The following SENP7 variants were observed in gnomAD, a reference collection of about 807,000 sequenced individuals.
SENP7 encodes the protein SUMO specific peptidase 7, also known as sentrin-specific protease 7.
SENP7 carries 64 observed loss-of-function variants against 141.2 expected under a neutral mutation model. That is an observed-to-expected ratio of 0.45 (90% confidence interval 0.37 to 0.56). SENP7 has a LOEUF of 0.56. Among genes scored for constraint, SENP7 ranks in the 20% least tolerant of loss-of-function variants. The probability of loss-of-function intolerance (pLI) is 0.00; values close to 1 mark genes in which losing one functional copy is unlikely to be tolerated. For synonymous variants in SENP7, 382 were observed against 426.4 expected (o/e 0.90, Z 1.28); for missense variants, 1,025 against 1,212.2 (o/e 0.85, Z 2.29).
chr3:101,440,581 T>TTAAAA (rs1350583096), intron 4 of SENP7, among the ~76,000 whole-genome samples: 51 of 124,916 alleles, frequency 4.1e-4, no homozygotes, highest in African/African-American at 1.3e-3. Flanking sequence ...AAAAATAAAT[T>TTAAAA]AAAAAAAAAA....
At chr3:101,467,347 G>A (rs1035063008) in intron 3 of SENP7, among the ~76,000 whole-genome samples, 4 of 152,234 alleles carry the variant, frequency 2.6e-5, no homozygotes. Flanking sequence ...CCAGCACAGC[G>A]TTTGAGCTTT....
intron 5 of SENP7, among the ~76,000 whole-genome samples, chr3:101,409,073 T>G (rs893635634): frequency 6.6e-6 from 1 of 152,192 alleles, no homozygotes; most frequent in African/African-American, 2.4e-5. Flanking sequence ...GATAAAAGAA[T>G]TCGGTAAAGT....
At chr3:101,423,101 CA>C (rs529316369) in intron 4 of SENP7, among the ~76,000 whole-genome samples, 2 of 149,578 alleles carry the variant, frequency 1.3e-5, no homozygotes, top group Admixed American at 6.7e-5. Flanking sequence ...TCTTGTCCTT[CA>C]AAAAAAAATG....
At chr3:101,352,932 T>G (rs2059649074) in intron 11 of SENP7, among the ~76,000 whole-genome samples, 1 of 152,022 alleles carries the variant, frequency 6.6e-6, no homozygotes, top group South Asian at 2.1e-4. Flanking sequence ...TAGATCATAA[T>G]TAACTAAAAG....
chr3:101,498,945 G>A (rs1210964845), intron 2 of SENP7, among the ~76,000 whole-genome samples: 1 of 152,154 alleles, frequency 6.6e-6, no homozygotes. Context: ...CTGTCCATGG[G>A]AAAACTGTCT....
At chr3:101,356,248 T>C (rs1266394787) in intron 11 of SENP7, among the ~76,000 whole-genome samples, 6 of 152,124 alleles carry the variant, frequency 3.9e-5, no homozygotes, top group Non-Finnish European at 8.8e-5. Flanking sequence ...TCATCATGCA[T>C]CTCACATTTT....
chr3:101,377,707 A>C (rs2060376045), intron 6 of SENP7, among the ~76,000 whole-genome samples: 1 of 152,240 alleles, frequency 6.6e-6, no homozygotes, highest in African/African-American at 2.4e-5. Flanking sequence ...CAGGGGAAAT[A>C]AAAAATACCC....
At chr3:101,384,904 G>A (rs764760185) in intron 6 of SENP7, among the ~76,000 whole-genome samples, 2 of 152,198 alleles carry the variant, frequency 1.3e-5, no homozygotes, top group Non-Finnish European at 2.9e-5. Context: ...GTAGAACTGT[G>A]AGCCTATTAA....
At position 101,357,007 on chromosome 3, in the gene SENP7, C is replaced by CT. The variant is rs796548276; in HGVS notation, c.1623+4707dup. On this transcript the variant is annotated intron_variant, in intron 11 of 23. Transcript: ENST00000394095. ...AATGCTTTTATTAACTATGAACATT[C>CT]TTTTTTTTTTTGAGACAGAGTTTCG... Among the ~76,000 whole-genome samples, 990 of 147,192 alleles carry CT rather than the reference C, an allele frequency of 6.7e-3. 6 individuals carry two copies. The highest frequency in any genetic ancestry group is 0.023 in the African/African-American group (918 of 40,414).
chr3:101,327,052 T>C (rs1235820202), intron 23 of SENP7, among the ~76,000 whole-genome samples: 1 of 152,088 alleles, frequency 6.6e-6, no homozygotes, highest in Non-Finnish European at 1.5e-5. Context: ...GTATACTCCA[T>C]GTCTTCATCC....
chr3:101,410,254 A>C (rs1287389156), intron 5 of SENP7, among the ~76,000 whole-genome samples: 1 of 152,222 alleles, frequency 6.6e-6, no homozygotes, highest in Non-Finnish European at 1.5e-5. Context: ...TATTCCTGCT[A>C]GAATGGCCAT....
intron 4 of SENP7, among the ~76,000 whole-genome samples, chr3:101,451,774 C>T (rs569508692): frequency 6.6e-6 from 1 of 152,176 alleles, no homozygotes; most frequent in Non-Finnish European, 1.5e-5. Flanking sequence ...TGGGCAAAAA[C>T]TGGAAGCATT....
At chr3:101,451,964 C>T (rs1484125389) in intron 4 of SENP7, among the ~76,000 whole-genome samples, 5 of 152,070 alleles carry the variant, frequency 3.3e-5, no homozygotes, top group Non-Finnish European at 7.4e-5. Flanking sequence ...CTAGAAAACC[C>T]CATTGTCTCA....
chr3:101,490,127 G>A (rs943246220), intron 3 of SENP7, among the ~76,000 whole-genome samples: 7 of 151,666 alleles, frequency 4.6e-5, no homozygotes, highest in African/African-American at 1.7e-4. Flanking sequence ...AGAGGTTGTG[G>A]TGAGCCAAGA....
intron 4 of SENP7, among the ~76,000 whole-genome samples, chr3:101,433,262 T>A (rs905758779): frequency 7.6e-6 from 1 of 131,764 alleles, no homozygotes; most frequent in African/African-American, 2.9e-5. Context: ...ATACAATGGA[T>A]ACACAAAAAA....
At chr3:101,426,837 T>A (rs981791133) in intron 4 of SENP7, among the ~76,000 whole-genome samples, 2 of 152,106 alleles carry the variant, frequency 1.3e-5, no homozygotes, top group African/African-American at 4.8e-5. Context: ...CCACACGACC[T>A]GCCTTGGAAG....
At chr3:101,329,409 G>A (rs570374690) in intron 20 of SENP7, among the ~76,000 whole-genome samples, 8 of 152,118 alleles carry the variant, frequency 5.3e-5, no homozygotes, top group African/African-American at 7.2e-5. Context: ...GCCTTCCTCC[G>A]TAAGAAGTGA....
chr3:101,388,855 C>CA (rs1387293323), intron 6 of SENP7, among the ~76,000 whole-genome samples: 1 of 149,158 alleles, frequency 6.7e-6, no homozygotes, highest in African/African-American at 2.5e-5. Context: ...ATTAATGAAA[C>CA]AAAAAATACA....
chr3:101,490,284 C>T (rs1230004968), intron 3 of SENP7, among the ~76,000 whole-genome samples: 4 of 149,984 alleles, frequency 2.7e-5, no homozygotes, highest in Admixed American at 1.3e-4. Context: ...TGGAATATTA[C>T]ATAGCAATAA....
Sources: allele counts gnomAD v4.1 joint callset (sites outside exome capture counted in the v4.1 genomes callset), GRCh38; gene constraint gnomAD v4.1.1; transcripts MANE v1.5; gene names NCBI Gene and HGNC (gene_info 2026-07-23, HGNC 2026-07-21).